XRN2: variants seen among roughly 807,000 people sequenced by gnomAD.
XRN2 encodes DHM1-like protein.
A neutral mutation model predicts 138.5 loss-of-function variants in XRN2; 44 were observed. That is an observed-to-expected ratio of 0.32 (90% CI 0.25 to 0.41). The LOEUF (loss-of-function observed/expected upper bound fraction) is 0.41. Ranked by LOEUF, XRN2 falls within the 10% of genes least tolerant of loss-of-function variation. The pLI is 1.00. For synonymous variants in XRN2, 354 were observed against 369.4 expected, an observed-to-expected ratio of 0.96 and a Z score of 0.48; for missense variants, 937 against 1,169.3, an observed-to-expected ratio of 0.80 and a Z score of 2.90.
intron 28 of XRN2, among the ~76,000 whole-genome samples, chr20:21,384,781 T>C (rs2038920921): frequency 6.6e-6 from 1 of 152,240 alleles, no homozygotes; most frequent in South Asian, 2.1e-4. Context: ...GCTGAGTTAC[T>C]GTGCCTGGCC....
Position 21,382,064 on chromosome 20 carries a change from T to C in XRN2, c.2648+7T>C, listed in dbSNP as rs1600721597. On this transcript the variant is annotated splice_region_variant and intron_variant, in intron 28 of 29. Coordinates refer to ENST00000377191, the MANE Select transcript of XRN2 (RefSeq NM_012255.5). ...AGCAGCAAAGGTTTGACAGGTAATATTAAAAGTAGACATGACTTTTAAATA... is the reference window on the plus strand; with the variant it reads ...AGCAGCAAAGGTTTGACAGGTAATACTAAAAGTAGACATGACTTTTAAATA... 1 of 1,490,648 alleles carries C rather than the reference T, an allele frequency of 6.7e-7. No homozygotes were observed. Among genetic ancestry groups the C allele is most frequent in the South Asian group, 1.2e-5 (1 of 86,094 alleles). 92.3% of individuals were successfully genotyped at this position (1,490,648 alleles called of 1,614,324 possible).
chr20:21,377,264 C>CTGTTTTTTTTTTTTTTTTTTTTT (rs2038833636), intron 27 of XRN2, among the ~76,000 whole-genome samples: 1 of 82,778 alleles, frequency 1.2e-5, no homozygotes, highest in Non-Finnish European at 2.1e-5. Context: ...TCGGTTTTTT[C>CTGTTTTTTTTTTTTTTTTTTTTT]TTTTTTTTTT....
At chr20:21,309,085 G>C (rs2037842773) in intron 1 of XRN2, among the ~76,000 whole-genome samples, 1 of 152,142 alleles carries the variant, frequency 6.6e-6, no homozygotes, top group African/African-American at 2.4e-5. Flanking sequence ...GTTTGCTAAA[G>C]TTTTCTTGAG....
rs191142948 is a variant in XRN2, at chr20:21,346,678, G to A, written c.1665+128G>A. On this transcript the variant is annotated intron_variant, in intron 17 of 29. Coordinates refer to ENST00000377191, the MANE Select transcript of XRN2 (RefSeq NM_012255.5). ...CCTGTCACCTGGGCGGGAGGGCAAT[G>A]GCGTGATCTCAACTCACTGCGACCT... is the stretch of plus-strand genomic sequence containing the variant. The A allele has an allele frequency of 4.6e-5, 54 of 1,167,250 alleles. No homozygotes were observed. The East Asian group carries it at 1.0e-3, about 22-fold the overall frequency. The allele number at this position is 1,167,250 out of a possible 1,614,324, so 72.3% of individuals were successfully genotyped here.
intron 1 of XRN2, among the ~76,000 whole-genome samples, chr20:21,325,509 G>A (rs1258678859): frequency 6.6e-6 from 1 of 152,206 alleles, no homozygotes; most frequent in African/African-American, 2.4e-5. Context: ...TAAAGTGAGT[G>A]ACATTTGATT....
At chr20:21,354,620 G>A (rs2038553926) in intron 20 of XRN2, among the ~76,000 whole-genome samples, 169 bp from the exon 21 acceptor site, 1 of 152,142 alleles carries the variant, frequency 6.6e-6, no homozygotes, top group Admixed American at 6.5e-5. Flanking sequence ...AACTACAGGG[G>A]AAATATTAGC....
chr20:21,328,454 C>T, intron 3 of XRN2, 105 bp from the exon 4 acceptor site: 1 of 1,070,190 alleles, frequency 9.3e-7, no homozygotes, highest in Non-Finnish European at 1.4e-6. Context: ...TACCTTTCTT[C>T]CATTTTAGTG....
chr20:21,379,896 G>GT (rs1227172991), intron 27 of XRN2, among the ~76,000 whole-genome samples: 1 of 152,100 alleles, frequency 6.6e-6, no homozygotes, highest in Non-Finnish European at 1.5e-5. Flanking sequence ...AAATATACAA[G>GT]TTTTTTTCCC....
chr20:21,347,162 T>G (rs2038446823), intron 17 of XRN2, among the ~76,000 whole-genome samples: 1 of 152,168 alleles, frequency 6.6e-6, no homozygotes, highest in Admixed American at 6.5e-5. Flanking sequence ...TAAATTGGAG[T>G]TTAAAAATAA....
chr20:21,344,202 A>C lies in XRN2; in HGVS notation c.1523A>C (p.Asn508Thr). 1.2e-6 allele frequency: 2 copies of C among 1,611,860 alleles called. No homozygotes were observed. Among genetic ancestry groups the C allele is most frequent in the Non-Finnish European group, 1.7e-6 (2 of 1,178,310 alleles). The change falls in exon 16 of 30, where the codon AAT (asparagine) becomes ACT (threonine). Residue 508 changes from asparagine to threonine, a missense_variant. Physicochemically the swap from Asn to Thr is moderately conservative, Grantham distance 65. This residue lies in a region of XRN2 where 471 missense variants were observed against 581.2 expected (regional missense o/e 0.81). Coordinates refer to ENST00000377191, the MANE Select transcript of XRN2 (RefSeq NM_012255.5). ...GACAGTGAACCTGAGCCAGAGGATA[A>C]TGTCAGGTGAAGCCATTTTTTGGTA... Reference protein sequence around the residue: ...DSDSEPEPEDNVRLWEAGWKQ... With the variant: ...DSDSEPEPEDTVRLWEAGWKQ...
chr20:21,337,851 G>A (rs1391877001), intron 13 of XRN2, among the ~76,000 whole-genome samples: 2 of 152,160 alleles, frequency 1.3e-5, no homozygotes, highest in Non-Finnish European at 2.9e-5. Flanking sequence ...GCCAAGTGAA[G>A]ACTGATCCAA....
intron 26 of XRN2, among the ~76,000 whole-genome samples, chr20:21,366,596 G>A (rs1254934955): frequency 6.6e-6 from 1 of 151,070 alleles, no homozygotes; most frequent in African/African-American, 2.4e-5. Context: ...AAAATACTGA[G>A]TTTGTTTCAC....
intron 28 of XRN2, among the ~76,000 whole-genome samples, chr20:21,385,858 G>A (rs983380591): frequency 6.6e-6 from 1 of 152,184 alleles, no homozygotes; most frequent in Non-Finnish European, 1.5e-5. Context: ...CAGCACTTCA[G>A]TGAATTTAAA....
At chr20:21,318,174 CCA>C (rs2037985742) in intron 1 of XRN2, among the ~76,000 whole-genome samples, 1 of 152,080 alleles carries the variant, frequency 6.6e-6, no homozygotes, top group Admixed American at 6.5e-5. Context: ...AGTAATTTGT[CCA>C]TTTCATCTAA....
chr20:21,339,110 G>T, intron 14 of XRN2, 22 bp downstream of exon 14: 1 of 1,597,554 alleles, frequency 6.3e-7, no homozygotes, highest in Non-Finnish European at 8.6e-7. Context: ...TTAATTTCAT[G>T]AGATTGGCAA....
chr20:21,311,725 C>T (rs758905781), intron 1 of XRN2, among the ~76,000 whole-genome samples: 4 of 152,242 alleles, frequency 2.6e-5, no homozygotes, highest in African/African-American at 4.8e-5. Context: ...TGTTGGCTCA[C>T]GCCTGCAATC....
chr20:21,388,223 A>G (rs2038955052), intron 29 of XRN2, among the ~76,000 whole-genome samples: 1 of 152,242 alleles, frequency 6.6e-6, no homozygotes, highest in Non-Finnish European at 1.5e-5. Context: ...GAGAACTGGT[A>G]GCTGGCTGCC....
intron 13 of XRN2, among the ~76,000 whole-genome samples, chr20:21,335,151 A>G (rs77547832): frequency 6.6e-6 from 1 of 152,158 alleles, no homozygotes; most frequent in African/African-American, 2.4e-5. Context: ...ATGGACAGGC[A>G]CTTCGTCCGT....
At chr20:21,316,989 C>T (rs374238296) in intron 1 of XRN2, among the ~76,000 whole-genome samples, 8 of 152,188 alleles carry the variant, frequency 5.3e-5, no homozygotes, top group African/African-American at 9.6e-5. Context: ...AGTCATATAT[C>T]GTAATAATTT....
Sources: allele counts gnomAD v4.1 joint callset (sites outside exome capture counted in the v4.1 genomes callset), GRCh38; gene constraint gnomAD v4.1.1; regional missense constraint gnomAD v4.1.1; transcripts MANE v1.5; gene names NCBI Gene and HGNC (gene_info 2026-07-23, HGNC 2026-07-21).